Variants in PLCL1 observed in about 807,000 individuals in gnomAD.
PLCL1 encodes the protein phospholipase C like 1 (inactive), also known as inactive phospholipase C-like protein 1.
PLCL1 carries 41 observed loss-of-function variants against 84.4 expected under a neutral mutation model. That is an observed-to-expected ratio of 0.49 (90% CI 0.38 to 0.63). The LOEUF is 0.63. PLCL1 is among the 30% of genes least tolerant of loss of function. The probability of loss-of-function intolerance (pLI) is 0.00; values close to 1 mark genes in which losing one functional copy is unlikely to be tolerated. For synonymous variants in PLCL1, 490 were observed against 488.3 expected, an observed-to-expected ratio of 1.00 and a Z score of -0.05; for missense variants, 1,206 against 1,367.8, an observed-to-expected ratio of 0.88 and a Z score of 1.87.
chr2:198,121,119 A>C lies in PLCL1; in HGVS notation c.3105+17183A>C, dbSNP rs533963877. Among the ~76,000 whole-genome samples, 24 of 152,126 alleles carry C rather than the reference A, an allele frequency of 1.6e-4. 1 individual carries two copies. The South Asian group carries it at 2.1e-3, about 13-fold the overall frequency. ...CCTGTTTGCCATTTGTCTTCTTTTG[A>C]GAAATGTCTTTTCAGATCTTTTGCC... On this transcript the variant is annotated intron_variant, in intron 5 of 5. Coordinates refer to ENST00000428675, the MANE Select transcript of PLCL1 (RefSeq NM_006226.4).
intron 1 of PLCL1, among the ~76,000 whole-genome samples, chr2:197,935,000 G>A (rs1397636577): frequency 6.6e-6 from 1 of 152,040 alleles, no homozygotes; most frequent in African/African-American, 2.4e-5. Flanking sequence ...TTCAAAAGAC[G>A]ACATACACTC....
At chr2:197,883,600 A>G (rs993107040) in intron 1 of PLCL1, among the ~76,000 whole-genome samples, 8 of 152,198 alleles carry the variant, frequency 5.3e-5, no homozygotes, top group African/African-American at 1.9e-4. Flanking sequence ...GAGTATGACA[A>G]GAGGACTTCA....
At chr2:197,903,649 A>ATTTTTTTT (rs11295926) in intron 1 of PLCL1, among the ~76,000 whole-genome samples, 3 of 72,436 alleles carry the variant, frequency 4.1e-5, no homozygotes, top group Admixed American at 1.9e-4. Flanking sequence ...ACGCCCAGCT[A>ATTTTTTTT]TTTTTTTTTT....
chr2:197,807,953 C>T (rs1471956171), intron 1 of PLCL1, among the ~76,000 whole-genome samples: 4 of 152,098 alleles, frequency 2.6e-5, no homozygotes, highest in Admixed American at 6.5e-5. Flanking sequence ...TAAATTTGCC[C>T]TCCATAATTT....
Position 198,102,136 on chromosome 2 carries a change from A to G in PLCL1, c.2995+776A>G, listed in dbSNP as rs568954398. ...TGGAGCTGCCCTTTGAATCCAGACC[A>G]AACTTTTAAAATGGTGCTTTTCACT... On this transcript the variant is annotated intron_variant, in intron 4 of 5. Coordinates refer to ENST00000428675, the MANE Select transcript of PLCL1 (RefSeq NM_006226.4). 2.6e-5 allele frequency among the ~76,000 whole-genome samples: 4 copies of G among 152,152 alleles called. No individual in the cohort carries two copies. The East Asian group carries it at 5.8e-4, about 22-fold the overall frequency.
intron 3 of PLCL1, among the ~76,000 whole-genome samples, chr2:198,096,735 C>A (rs1185690818): frequency 6.6e-6 from 1 of 152,058 alleles, no homozygotes; most frequent in East Asian, 1.9e-4. Flanking sequence ...GTTATTTAAT[C>A]TTTTACTAAG....
At chr2:197,812,771 G>T (rs1690613169) in intron 1 of PLCL1, among the ~76,000 whole-genome samples, 1 of 152,190 alleles carries the variant, frequency 6.6e-6, no homozygotes, top group African/African-American at 2.4e-5. Flanking sequence ...CACCTGCTCT[G>T]TGAGACATTC....
intron 1 of PLCL1, among the ~76,000 whole-genome samples, chr2:197,850,218 T>G (rs1687208331): frequency 6.6e-6 from 1 of 152,218 alleles, no homozygotes; most frequent in Admixed American, 6.5e-5. Flanking sequence ...GGTTTCTACC[T>G]GCTCTAACTG....
chr2:197,889,143 A>G (rs1254593751), intron 1 of PLCL1, among the ~76,000 whole-genome samples: 1 of 152,168 alleles, frequency 6.6e-6, no homozygotes, highest in Non-Finnish European at 1.5e-5. Context: ...GCTTGTTTTT[A>G]CAGATGAGGA....
In PLCL1 at chr2:198,085,843, C is replaced by T; in HGVS notation, c.2326C>T (p.Pro776Ser). Residue 776 changes from proline to serine, a missense_variant, in exon 2 of 6, where the codon CCT becomes TCT. Transcript: ENST00000428675. The surrounding 1 kb of genome is among the most constrained non-coding windows in gnomAD (Gnocchi z 5.3). ...TKTVQQNSDN[P>S]IFDETFEFQV... ...AACTGTACAGCAAAACAGTGATAAT[C>T]CTATTTTTGATGAAACTTTTGAGTT... 6.2e-7 allele frequency: 1 copy of T among 1,614,088 alleles called. No homozygotes were observed. Among genetic ancestry groups the T allele is most frequent in the Non-Finnish European group, 8.5e-7 (1 of 1,179,972 alleles).
intron 5 of PLCL1, among the ~76,000 whole-genome samples, chr2:198,135,025 A>T (rs567323220): frequency 3.3e-5 from 5 of 152,342 alleles, no homozygotes; most frequent in Admixed American, 6.5e-5. Context: ...GAATGTATTT[A>T]AAAAATATTT....
intron 1 of PLCL1, among the ~76,000 whole-genome samples, chr2:198,026,597 G>T (rs777011953): frequency 3.3e-5 from 5 of 152,122 alleles, no homozygotes; most frequent in Non-Finnish European, 5.9e-5. Context: ...AGTATGGAAA[G>T]GGTTTAGTAA....
At position 198,082,441 on chromosome 2, in the gene PLCL1, C is replaced by CA. The variant is rs369435221; in HGVS notation, c.241-1305dup. Among the ~76,000 whole-genome samples, 617 of 142,430 alleles carry CA rather than the reference C, an allele frequency of 4.3e-3. 4 individuals carry two copies. Among genetic ancestry groups the CA allele is most frequent in the South Asian group, 0.015 (67 of 4,430 alleles). The allele number at this position is 142,430 out of a possible 152,430, so 93.4% of individuals were successfully genotyped here. On this transcript the variant is annotated intron_variant, in intron 1 of 5. Transcript: ENST00000428675. ...CCTGGGCAACAGAGCGAGATTCTGT[C>CA]AAAAAAAAAAAAGTTATTTTTGCTC...
At chr2:198,047,418 G>A (rs1335839607) in intron 1 of PLCL1, among the ~76,000 whole-genome samples, 1 of 152,052 alleles carries the variant, frequency 6.6e-6, no homozygotes, top group Non-Finnish European at 1.5e-5. Flanking sequence ...TCTTGATCTT[G>A]TGACCCGCCC....
intron 1 of PLCL1, among the ~76,000 whole-genome samples, chr2:198,033,931 G>C (rs1691492649): frequency 6.7e-6 from 1 of 149,746 alleles, no homozygotes; most frequent in African/African-American, 2.5e-5. Context: ...GTGTGTGTCT[G>C]TATGTGGTGC....
At position 198,018,562 on chromosome 2, in the gene PLCL1, T is replaced by C. The variant is rs149193641; in HGVS notation, c.241-65196T>C. On this transcript the variant is annotated intron_variant, in intron 1 of 5. Coordinates refer to ENST00000428675, the MANE Select transcript of PLCL1 (RefSeq NM_006226.4). ...TGGAAGGGGGAGGGACGTCTACCAT[T>C]ACTGAGGCTTGAGTAGGCAGTTTTC... Among the ~76,000 whole-genome samples the C allele has an allele frequency of 5.0e-3, 766 of 152,266 alleles. 7 individuals are homozygous for C. The highest frequency in any genetic ancestry group is 0.017 in the African/African-American group (702 of 41,562).
chr2:197,970,357 C>T (rs1258481753), intron 1 of PLCL1, among the ~76,000 whole-genome samples: 1 of 152,194 alleles, frequency 6.6e-6, no homozygotes, highest in East Asian at 1.9e-4. Flanking sequence ...GTGCAGTCCC[C>T]ATGACCTAAT....
intron 1 of PLCL1, among the ~76,000 whole-genome samples, chr2:197,816,051 T>C (rs1018503822): frequency 6.6e-6 from 1 of 152,196 alleles, no homozygotes; most frequent in Admixed American, 6.5e-5. Flanking sequence ...AAGAGGTTAG[T>C]TGTGAGTAAA....
intron 1 of PLCL1, among the ~76,000 whole-genome samples, chr2:197,912,182 C>T (rs1019215973): frequency 1.3e-5 from 2 of 152,232 alleles, no homozygotes; most frequent in South Asian, 4.1e-4. Flanking sequence ...AAGCAAAAAA[C>T]ACATGAAAAA....
Sources: allele counts gnomAD v4.1 joint callset (sites outside exome capture counted in the v4.1 genomes callset), GRCh38; gene constraint gnomAD v4.1.1; non-coding constraint Gnocchi (gnomAD v3.1); transcripts MANE v1.5; gene names NCBI Gene and HGNC (gene_info 2026-07-23, HGNC 2026-07-21).